TMEM266: variants seen among roughly 807,000 people sequenced by gnomAD.
TMEM266 encodes the protein Hv1 related protein 1.
A neutral mutation model predicts 50.5 loss-of-function variants in TMEM266; 33 were observed. That is an observed-to-expected ratio of 0.65 (90% CI 0.50 to 0.87). The LOEUF (loss-of-function observed/expected upper bound fraction) is 0.87. Ranked by LOEUF, TMEM266 falls within the 40% of genes least tolerant of loss-of-function variation. The probability of loss-of-function intolerance (pLI) is 0.00; values close to 1 mark genes in which losing one functional copy is unlikely to be tolerated. For synonymous variants in TMEM266, 310 were observed against 292.3 expected, an observed-to-expected ratio of 1.06 and a Z score of -0.62; for missense variants, 655 against 695.1, an observed-to-expected ratio of 0.94 and a Z score of 0.65.
chr15:76,130,742 G>A (rs751952247), intron 1 of TMEM266, among the ~76,000 whole-genome samples: 3 of 152,170 alleles, frequency 2.0e-5, no homozygotes, highest in African/African-American at 7.2e-5. Flanking sequence ...TAACGTTGAC[G>A]TTGGGTGGTG....
At chr15:76,106,392 A>G (rs539251903) in intron 1 of TMEM266, among the ~76,000 whole-genome samples, 38 of 152,250 alleles carry the variant, frequency 2.5e-4, no homozygotes, top group African/African-American at 9.1e-4. Flanking sequence ...TATTTATAGT[A>G]TACAACATAA....
intron 8 of TMEM266, among the ~76,000 whole-genome samples, chr15:76,181,823 T>C (rs1323029403): frequency 2.0e-5 from 3 of 152,376 alleles, no homozygotes; most frequent in South Asian, 2.1e-4. Context: ...TGTACCTCCA[T>C]GCGTGGGATC....
intron 8 of TMEM266, among the ~76,000 whole-genome samples, chr15:76,189,326 GAA>G (rs1157107158): frequency 6.9e-6 from 1 of 144,008 alleles, no homozygotes; most frequent in East Asian, 2.0e-4. Flanking sequence ...CTCAAAAAAA[GAA>G]AGAGGGAGCA....
Position 76,120,454 on chromosome 15 carries a change from G to A in TMEM266, c.-96-13714G>A, listed in dbSNP as rs2037323013. Reference sequence around the variant, plus strand: ...ACTATTTTTATACATAATTATATAAGCACAAAGAAAAGTAAGGAAAGATAG... The same window carrying A: ...ACTATTTTTATACATAATTATATAAACACAAAGAAAAGTAAGGAAAGATAG... On this transcript the variant is annotated intron_variant, in intron 1 of 10. Transcript: ENST00000388942. Among the ~76,000 whole-genome samples the A allele has an allele frequency of 3.9e-5, 6 of 151,948 alleles. No homozygotes were observed. In the South Asian group the frequency reaches 1.2e-3, roughly 32 times the overall value.
chr15:76,062,806 A>G (rs1489041001), intron 1 of TMEM266, among the ~76,000 whole-genome samples: 1 of 152,180 alleles, frequency 6.6e-6, no homozygotes, highest in Non-Finnish European at 1.5e-5. Context: ...TAAAACATAT[A>G]TTTAAACTGG....
rs1357018850 is a variant in TMEM266 at position 76,063,163 on chromosome 15, G to GGA, written c.-97+3147_-97+3148insGA. On this transcript the variant is annotated intron_variant, in intron 1 of 10. Coordinates refer to ENST00000388942, the MANE Select transcript of TMEM266 (RefSeq NM_152335.3). ...AAATACTTGATTTTCATCAGTCTCTGTTTCTTACTATGGCTGTCGTGTGCT... is the reference window on the plus strand; with the variant it reads ...AAATACTTGATTTTCATCAGTCTCTGGATTTCTTACTATGGCTGTCGTGTGCT... Among the ~76,000 whole-genome samples the GGA allele has an allele frequency of 3.9e-5, 6 of 152,272 alleles. No homozygotes were observed. In the South Asian group the frequency reaches 1.2e-3, roughly 32 times the overall value.
At chr15:76,087,403 T>C (rs2036792037) in intron 1 of TMEM266, among the ~76,000 whole-genome samples, 1 of 152,220 alleles carries the variant, frequency 6.6e-6, no homozygotes, top group Admixed American at 6.5e-5. Flanking sequence ...GGTTATACCC[T>C]TTGGTAGTAT....
intron 5 of TMEM266, among the ~76,000 whole-genome samples, chr15:76,162,290 C>T (rs1186752670): frequency 1.3e-5 from 2 of 152,168 alleles, no homozygotes; most frequent in East Asian, 1.9e-4. Context: ...GCATGGAGAT[C>T]GAGTGACGAA....
At position 76,122,529 on chromosome 15, in the gene TMEM266, G is replaced by A. The variant is rs528046829; in HGVS notation, c.-96-11639G>A. On this transcript the variant is annotated intron_variant, in intron 1 of 10. Coordinates refer to ENST00000388942, the MANE Select transcript of TMEM266 (RefSeq NM_152335.3). ...CACTGGCAAAGTTAATTATATCCGG[G>A]TTCCTAACATATTTTAGTTAATAGC... Among the ~76,000 whole-genome samples the A allele has an allele frequency of 9.9e-5, 15 of 152,218 alleles. No individual in the cohort carries two copies. In the East Asian group the frequency reaches 2.9e-3, roughly 29 times the overall value.
rs932675047 is a variant in TMEM266 at position 76,153,143 on chromosome 15, A to G, written c.228-3461A>G. ...TAGTAAGTTTCTCTAACAAAAAAAAAAAGAAGAAAAAAACGACATTTTAAA... is the reference window on the plus strand; with the variant it reads ...TAGTAAGTTTCTCTAACAAAAAAAAGAAGAAGAAAAAAACGACATTTTAAA... On this transcript the variant is annotated intron_variant, in intron 3 of 10. Coordinates refer to ENST00000388942, the MANE Select transcript of TMEM266 (RefSeq NM_152335.3). This position sits in a 1 kb window ranked among gnomAD's most constrained non-coding sequence, Gnocchi z 4.2. Among the ~76,000 whole-genome samples the G allele has an allele frequency of 5.3e-5, 8 of 151,838 alleles. No individual in the cohort carries two copies. The highest frequency in any genetic ancestry group is 1.7e-4 in the African/African-American group (7 of 41,308).
chr15:76,200,403 T>C (rs2038727813), intron 9 of TMEM266, among the ~76,000 whole-genome samples: 1 of 152,198 alleles, frequency 6.6e-6, no homozygotes, highest in African/African-American at 2.4e-5. Context: ...ATGAAGAAAC[T>C]GAGGCCCAGA....
chr15:76,089,270 C>A (rs2036816428), intron 1 of TMEM266, among the ~76,000 whole-genome samples: 1 of 168 alleles, frequency 6.0e-3, no homozygotes, highest in East Asian at 0.5. Context: ...TCTCGGCTCA[C>A]TGCAACTGCC....
intron 1 of TMEM266, among the ~76,000 whole-genome samples, chr15:76,080,458 G>T (rs560245473): frequency 1.8e-4 from 27 of 150,566 alleles, no homozygotes; most frequent in African/African-American, 6.3e-4. Context: ...CACTATGTTG[G>T]TCAGGTGGTC....
chr15:76,065,197 C>T (rs1336888215), intron 1 of TMEM266, among the ~76,000 whole-genome samples: 3 of 152,136 alleles, frequency 2.0e-5, no homozygotes, highest in Non-Finnish European at 4.4e-5. Flanking sequence ...GGGACACAGT[C>T]TCAAAAGAAA....
intron 8 of TMEM266, among the ~76,000 whole-genome samples, chr15:76,186,021 T>C (rs925350369): frequency 1.3e-5 from 2 of 152,160 alleles, no homozygotes; most frequent in African/African-American, 2.4e-5. Flanking sequence ...TTCCCTCTGG[T>C]GACTTTCTGT....
At position 76,134,252 on chromosome 15, in the gene TMEM266, C is replaced by T; in HGVS notation, c.-12C>T. ...CAGGACAGCTGAGCCCCACTAAACACCAAGAAAACCCATGGCTGTGGCTCC... is the reference window on the plus strand; with the variant it reads ...CAGGACAGCTGAGCCCCACTAAACATCAAGAAAACCCATGGCTGTGGCTCC... On this transcript the variant is annotated 5_prime_UTR_variant, in exon 2 of 11. Coordinates refer to ENST00000388942, the MANE Select transcript of TMEM266 (RefSeq NM_152335.3). 6.2e-7 allele frequency: 1 copy of T among 1,613,934 alleles called. No individual in the cohort carries two copies. The highest frequency in any genetic ancestry group is 8.5e-7 in the Non-Finnish European group (1 of 1,179,860).
At chr15:76,095,637 T>C (rs7178276) in intron 1 of TMEM266, among the ~76,000 whole-genome samples, 34,514 of 151,834 alleles carry the variant, frequency 0.23, 4,504 homozygotes, top group Non-Finnish European at 0.27. Context: ...ATAAAATGAG[T>C]TAGGGAGGAT....
intron 8 of TMEM266, among the ~76,000 whole-genome samples, chr15:76,182,773 T>C (rs2038436173): frequency 1.3e-5 from 2 of 152,218 alleles, no homozygotes; most frequent in Admixed American, 1.3e-4. Context: ...GGCTGGGTAC[T>C]ATTAATCCCT....
intron 3 of TMEM266, among the ~76,000 whole-genome samples, chr15:76,141,339 G>A (rs1046420860): frequency 7.3e-5 from 11 of 150,946 alleles, no homozygotes; most frequent in African/African-American, 2.4e-4. Flanking sequence ...AGGTTTAAGC[G>A]ATCCTCCCAC....
Sources: allele counts gnomAD v4.1 joint callset (sites outside exome capture counted in the v4.1 genomes callset), GRCh38; gene constraint gnomAD v4.1.1; non-coding constraint Gnocchi (gnomAD v3.1); transcripts MANE v1.5; gene names NCBI Gene and HGNC (gene_info 2026-07-23, HGNC 2026-07-21).